Variants in LPCAT1 observed in about 807,000 individuals in gnomAD.
LPCAT1 encodes 1-acylglycerol-3-phosphate O-acyltransferase.
Under a neutral mutation model 60.9 loss-of-function variants are expected in LPCAT1, and 23 were observed. That is an observed-to-expected ratio of 0.38 (90% CI 0.27 to 0.53). LPCAT1 has a LOEUF of 0.53. Ranked by LOEUF, LPCAT1 falls within the 20% of genes least tolerant of loss-of-function variation. LPCAT1 has a pLI of 0.82. For missense variants in LPCAT1, 622 were observed against 723.6 expected, an observed-to-expected ratio of 0.86 and a Z score of 1.61; for synonymous variants, 340 against 301.1, an observed-to-expected ratio of 1.13 and a Z score of -1.34.
intron 1 of LPCAT1, among the ~76,000 whole-genome samples, chr5:1,510,513 TCC>T (rs1736324555): frequency 6.6e-6 from 1 of 152,146 alleles, no homozygotes; most frequent in African/African-American, 2.4e-5. Context: ...CCTAGACCAC[TCC>T]ATTTACCATT....
At chr5:1,498,299 A>C (rs545616439) in intron 2 of LPCAT1, among the ~76,000 whole-genome samples, 2 of 152,250 alleles carry the variant, frequency 1.3e-5, no homozygotes, top group East Asian at 3.9e-4. Flanking sequence ...GGGAGTTCAG[A>C]ATTCAGGGTT....
rs1347193454 is a variant in LPCAT1 at position 1,480,242 on chromosome 5, T to G, written c.762-567A>C. On this transcript the variant is annotated intron_variant, in intron 7 of 13. Transcript: ENST00000283415. The surrounding 1 kb of genome is among the most constrained non-coding windows in gnomAD (Gnocchi z 6.4). ...AACCCCTATACCCCCCAGAGCCCCC[T>G]CCCAGCTCTGCTCCCAGCTGGGAGC... 5 of 287,478 alleles carry G rather than the reference T, an allele frequency of 1.7e-5. No individual in the cohort carries two copies. The highest frequency in any genetic ancestry group is 7.9e-5 in the African/African-American group (2 of 25,224). The allele number at this position is 287,478 out of a possible 1,614,324, so 17.8% of individuals were successfully genotyped here.
At chr5:1,467,875 CCT>C (rs950202702) in intron 12 of LPCAT1, among the ~76,000 whole-genome samples, 1 of 152,122 alleles carries the variant, frequency 6.6e-6, no homozygotes, top group Non-Finnish European at 1.5e-5. Flanking sequence ...CCCCCGCCGC[CCT>C]CTCTCTGCCT....
chr5:1,465,982 C>T (rs1317253788), intron 13 of LPCAT1, among the ~76,000 whole-genome samples: 1 of 152,198 alleles, frequency 6.6e-6, no homozygotes, highest in East Asian at 1.9e-4. Flanking sequence ...CTCCCGCCTC[C>T]GGCTCCCGCA....
rs6868277 is a variant in LPCAT1 at position 1,523,518 on chromosome 5, A to G, written c.135+192T>C. Among the ~76,000 whole-genome samples the G allele has an allele frequency of 0.65, 97,742 of 150,520 alleles. 31,901 individuals are homozygous for G. The highest frequency in any genetic ancestry group is 0.77 in the South Asian group (3,682 of 4,810). The stretch of plus-strand genomic sequence containing the variant: ...TGCGGGCGGCGGGAAGCCGGCGCCG[A>G]GACCGAGGCATCGGGTGCGGGCGGC... On this transcript the variant is annotated intron_variant, in intron 1 of 13. Coordinates refer to ENST00000283415, the MANE Select transcript of LPCAT1 (RefSeq NM_024830.5). The surrounding 1 kb of genome is among the most constrained non-coding windows in gnomAD (Gnocchi z 7.1).
At chr5:1,518,419 C>T (rs924153049) in intron 1 of LPCAT1, among the ~76,000 whole-genome samples, 6 of 152,238 alleles carry the variant, frequency 3.9e-5, no homozygotes, top group Non-Finnish European at 8.8e-5. Flanking sequence ...CCGCTCACTG[C>T]AAGCTCCGCC....
At chr5:1,471,336 G>C (rs1229319732) in intron 11 of LPCAT1, among the ~76,000 whole-genome samples, 2 of 152,236 alleles carry the variant, frequency 1.3e-5, no homozygotes, top group Admixed American at 1.3e-4. Context: ...GTGACGTGGA[G>C]CTAAACAGCA....
rs904848030 is a variant in LPCAT1, at chr5:1,489,827, C to G, written c.525G>C (p.Val175=). 6.2e-7 allele frequency: 1 copy of G among 1,613,804 alleles called. No homozygotes were observed. Among genetic ancestry groups the G allele is most frequent in the Non-Finnish European group, 8.5e-7 (1 of 1,179,786 alleles). The part of the protein sequence containing the change: ...TLIQYIRPVF[V]SRSDQDSRRK... Reference sequence around the variant, plus strand: ...TGCGAGAATCCTGGTCTGACCGGGACACGAACACAGGCCGTATATACTGGA... The same window carrying G: ...TGCGAGAATCCTGGTCTGACCGGGAGACGAACACAGGCCGTATATACTGGA... Residue 175 remains valine (V), a synonymous_variant, in exon 4 of 14, where the codon GTG becomes GTC. Coordinates refer to ENST00000283415, the MANE Select transcript of LPCAT1 (RefSeq NM_024830.5).
At chr5:1,516,123 G>A (rs531040433) in intron 1 of LPCAT1, among the ~76,000 whole-genome samples, 3 of 152,344 alleles carry the variant, frequency 2.0e-5, no homozygotes, top group African/African-American at 7.2e-5. Flanking sequence ...TGGCAGTTGT[G>A]GGGGAGGCAG....
At chr5:1,501,726 C>A in intron 1 of LPCAT1, 123 bp from the exon 2 acceptor site, 1 of 986,112 alleles carries the variant, frequency 1.0e-6, no homozygotes, top group Non-Finnish European at 1.5e-6. Flanking sequence ...GGAGGGGCTG[C>A]AGCTGGCACA....
In LPCAT1 at chr5:1,483,649, C is replaced by G. The variant is rs958429362; in HGVS notation, c.668-163G>C. ...GGACTATCTCAACATCTGTCCTGAC[C>G]GTAAACACCCAGCGCCACAGCACGG... On this transcript the variant is annotated intron_variant, in intron 5 of 13. Coordinates refer to ENST00000283415, the MANE Select transcript of LPCAT1 (RefSeq NM_024830.5). This position sits in a 1 kb window ranked among gnomAD's most constrained non-coding sequence, Gnocchi z 9.2. Among the ~76,000 whole-genome samples the G allele has an allele frequency of 2.0e-5, 3 of 152,206 alleles. No homozygotes were observed. Among genetic ancestry groups the G allele is most frequent in the Admixed American group, 1.3e-4 (2 of 15,286 alleles).
chr5:1,518,480 G>A (rs896930177), intron 1 of LPCAT1, among the ~76,000 whole-genome samples: 4 of 152,204 alleles, frequency 2.6e-5, no homozygotes, highest in Non-Finnish European at 4.4e-5. Context: ...GGCTGGGACT[G>A]CAGGCACCTG....
Position 1,488,439 on chromosome 5 carries a change from G to A in LPCAT1, c.619C>T (p.Pro207Ser). 6.3e-7 allele frequency: 1 copy of A among 1,599,502 alleles called. No individual in the cohort carries two copies. Among genetic ancestry groups the A allele is most frequent in the Non-Finnish European group, 8.5e-7 (1 of 1,172,330 alleles). ...GTCCTGTTTGTACAAGTTCCTTCTG[G>A]AAAAATCATTATCTGGAAGTGGGAG... is the stretch of plus-strand genomic sequence containing the variant. ...NGKWPQIMIF[P>S]EGTCTNRTCL... Residue 207 changes from proline (P) to serine (S), a missense_variant, in exon 5 of 14, where the codon CCA becomes TCA. By Grantham distance (74) the Pro-to-Ser change is moderately conservative (BLOSUM62 -1). This residue lies in a region of LPCAT1 where 209 missense variants were observed against 325.5 expected (regional missense o/e 0.64). Coordinates refer to ENST00000283415, the MANE Select transcript of LPCAT1 (RefSeq NM_024830.5).
intron 1 of LPCAT1, among the ~76,000 whole-genome samples, chr5:1,519,490 T>C (rs1427400599): frequency 2.0e-5 from 3 of 152,172 alleles, no homozygotes; most frequent in African/African-American, 7.2e-5. Flanking sequence ...TTCGGAAAAT[T>C]CATTCGGAAA....
At chr5:1,486,133 T>C (rs1735362871) in intron 5 of LPCAT1, among the ~76,000 whole-genome samples, 1 of 152,080 alleles carries the variant, frequency 6.6e-6, no homozygotes, top group African/African-American at 2.4e-5. Flanking sequence ...AGGGTGAGTG[T>C]GGGCACTGGA....
intron 3 of LPCAT1, among the ~76,000 whole-genome samples, chr5:1,491,257 G>A (rs1186881637): frequency 1.3e-5 from 2 of 152,142 alleles, no homozygotes; most frequent in Admixed American, 1.3e-4. Context: ...GCAGGATGGC[G>A]CACGCGTCAA....
chr5:1,468,622 C>A (rs1734537014), intron 12 of LPCAT1, among the ~76,000 whole-genome samples: 1 of 152,240 alleles, frequency 6.6e-6, no homozygotes, highest in Non-Finnish European at 1.5e-5. Flanking sequence ...TCTCACTGTC[C>A]ACTCTCTGAG....
intron 13 of LPCAT1, among the ~76,000 whole-genome samples, chr5:1,466,273 C>T (rs933735629): frequency 2.0e-5 from 3 of 152,230 alleles, no homozygotes; most frequent in Admixed American, 1.3e-4. Flanking sequence ...CAGATGTCCA[C>T]AGACAGGTGA....
chr5:1,509,179 G>C (rs1424323667), intron 1 of LPCAT1, among the ~76,000 whole-genome samples: 1 of 152,262 alleles, frequency 6.6e-6, no homozygotes, highest in Non-Finnish European at 1.5e-5. Context: ...CGAAGGCCGC[G>C]AGGCCGCGTC....
Sources: allele counts gnomAD v4.1 joint callset (sites outside exome capture counted in the v4.1 genomes callset), GRCh38; gene constraint gnomAD v4.1.1; regional missense constraint gnomAD v4.1.1; non-coding constraint Gnocchi (gnomAD v3.1); transcripts MANE v1.5; gene names NCBI Gene and HGNC (gene_info 2026-07-23, HGNC 2026-07-21).